NKAIN3: variants seen among roughly 807,000 people sequenced by gnomAD.
The protein encoded by NKAIN3 is sodium/potassium transporting ATPase interacting 3, also known as sodium/potassium-transporting ATPase subunit beta-1-interacting protein 3.
A neutral mutation model predicts 30.2 loss-of-function variants in NKAIN3; 25 were observed. The observed-to-expected ratio is 0.83, with a 90% CI of 0.60 to 1.16. The LOEUF is 1.16. Among genes scored for constraint, NKAIN3 ranks in the 50% most tolerant of loss-of-function variants. NKAIN3 has a pLI of 0.00. For synonymous variants in NKAIN3, 91 were observed against 89.6 expected (o/e 1.02, Z -0.09); for missense variants, 225 against 254.1 (o/e 0.89, Z 0.78).
intron 1 of NKAIN3, among the ~76,000 whole-genome samples, chr8:62,565,543 T>A (rs751286539): frequency 6.6e-6 from 1 of 152,170 alleles, no homozygotes; most frequent in Non-Finnish European, 1.5e-5. Flanking sequence ...TCAGTATAAA[T>A]GGCAGAGCCA....
chr8:62,664,350 A>G (rs1278846412), intron 3 of NKAIN3, among the ~76,000 whole-genome samples: 2 of 152,072 alleles, frequency 1.3e-5, no homozygotes, highest in Non-Finnish European at 2.9e-5. Context: ...TAGACCCACC[A>G]TCTGAATTTC....
At chr8:62,911,161 AAAAGAGGGAGGC>A (rs1192267027) in intron 4 of NKAIN3, among the ~76,000 whole-genome samples, 1 of 152,172 alleles carries the variant, frequency 6.6e-6, no homozygotes, top group Non-Finnish European at 1.5e-5. Flanking sequence ...TTTTTTCCAA[AAAAGAGGGAGGC>A]AATGTATTAG....
At chr8:62,645,594 A>G (rs1160530166) in intron 3 of NKAIN3, among the ~76,000 whole-genome samples, 1 of 152,118 alleles carries the variant, frequency 6.6e-6, no homozygotes, top group Non-Finnish European at 1.5e-5. Flanking sequence ...ACAACAGTGG[A>G]TTGAAGATTT....
At position 62,645,141 on chromosome 8, in the gene NKAIN3, G is replaced by GT. The variant is rs200156165; in HGVS notation, c.273+55348dup. 3.6e-3 allele frequency among the ~76,000 whole-genome samples: 552 copies of GT among 152,238 alleles called. 4 individuals carry two copies. The highest frequency in any genetic ancestry group is 0.027 in the Admixed American group (414 of 15,280). On this transcript the variant is annotated intron_variant, in intron 3 of 6. Transcript: ENST00000623646. ...AGCAGGGGAGGTGGAGCCAAAGAGTGTAAGAATAGAGCTTGGGTGGCTGTT... is the reference window on the plus strand; with the variant it reads ...AGCAGGGGAGGTGGAGCCAAAGAGTGTTAAGAATAGAGCTTGGGTGGCTGTT...
intron 6 of NKAIN3, among the ~76,000 whole-genome samples, chr8:62,954,306 A>G (rs950741841): frequency 6.6e-6 from 1 of 152,198 alleles, no homozygotes; most frequent in African/African-American, 2.4e-5. Context: ...CAAAGTAAAA[A>G]GGGGAGAAAG....
chr8:62,712,368 G>A (rs960954315), intron 3 of NKAIN3, among the ~76,000 whole-genome samples: 1 of 152,226 alleles, frequency 6.6e-6, no homozygotes, highest in Middle Eastern at 3.4e-3. Flanking sequence ...GGGGGTTGGG[G>A]TAGGTGTGTC....
chr8:62,991,322 T>G (rs566738561), intron 5 of NKAIN3, among the ~76,000 whole-genome samples: 2 of 152,342 alleles, frequency 1.3e-5, no homozygotes, highest in Non-Finnish European at 2.9e-5. Flanking sequence ...TACCACCTCT[T>G]TGGGTATAAA....
At chr8:62,960,140 T>C (rs538051793) in intron 6 of NKAIN3, among the ~76,000 whole-genome samples, 1 of 152,366 alleles carries the variant, frequency 6.6e-6, no homozygotes, top group South Asian at 2.1e-4. Flanking sequence ...TTCAGACTTA[T>C]CACCGTAGTA....
intron 1 of NKAIN3, among the ~76,000 whole-genome samples, chr8:62,450,912 G>C (rs745592632): frequency 1.3e-5 from 2 of 152,160 alleles, no homozygotes; most frequent in Admixed American, 6.5e-5. Context: ...GGTAAGACAT[G>C]GCTAATCCAC....
chr8:62,266,022 T>G (rs1023157213), intron 1 of NKAIN3, among the ~76,000 whole-genome samples: 2 of 152,174 alleles, frequency 1.3e-5, no homozygotes, highest in African/African-American at 4.8e-5. Context: ...AAAGGGAATT[T>G]GGTCTCTTCA....
intron 3 of NKAIN3, among the ~76,000 whole-genome samples, chr8:62,654,206 AT>A (rs1392695657): frequency 2.0e-5 from 3 of 152,138 alleles, no homozygotes; most frequent in African/African-American, 4.8e-5. Flanking sequence ...AAAATTAAAA[AT>A]ATTACAGCAG....
chr8:62,293,455 A>G (rs971827480), intron 1 of NKAIN3, among the ~76,000 whole-genome samples: 6 of 152,202 alleles, frequency 3.9e-5, no homozygotes, highest in Admixed American at 6.5e-5. Context: ...TCCTTCTAAC[A>G]GTCAGGACCG....
Position 62,308,250 on chromosome 8 carries a change from A to G in NKAIN3, c.54+59123A>G, listed in dbSNP as rs11995982. ...CTCAAAGGCTTGTTCATATGACTGC[A>G]TCCTCTGCCACTCCTCCCTCCTCAC... On this transcript the variant is annotated intron_variant, in intron 1 of 6. Transcript: ENST00000623646. Among the ~76,000 whole-genome samples, 1,462 of 150,498 alleles carry G rather than the reference A, an allele frequency of 9.7e-3. 143 individuals are homozygous for G. The highest frequency in any genetic ancestry group is 0.034 in the African/African-American group (1,375 of 39,916).
rs573574717 is a variant in NKAIN3 at position 62,812,621 on chromosome 8, T to C, written c.471+65492T>C. ...TTCTAGGAGAGTTTTTTTTTAATTC[T>C]TAGAATTTTTTCATATAGACAATTA... On this transcript the variant is annotated intron_variant, in intron 4 of 6. Transcript: ENST00000623646. Among the ~76,000 whole-genome samples, 3 of 152,002 alleles carry C rather than the reference T, an allele frequency of 2.0e-5. No individual in the cohort carries two copies. In the East Asian group the frequency reaches 5.8e-4, roughly 29 times the overall value.
At chr8:62,504,155 T>C (rs1379215627) in intron 1 of NKAIN3, among the ~76,000 whole-genome samples, 1 of 152,106 alleles carries the variant, frequency 6.6e-6, no homozygotes, top group East Asian at 1.9e-4. Flanking sequence ...GGGATCTGGG[T>C]TGCATGCTCC....
At chr8:62,888,859 G>A (rs192398351) in intron 4 of NKAIN3, among the ~76,000 whole-genome samples, 1 of 152,200 alleles carries the variant, frequency 6.6e-6, no homozygotes, top group East Asian at 1.9e-4. Context: ...AGAGCAATGA[G>A]TTATGTATTT....
At chr8:62,850,236 G>A (rs1012067975) in intron 4 of NKAIN3, among the ~76,000 whole-genome samples, 3 of 152,036 alleles carry the variant, frequency 2.0e-5, no homozygotes, top group African/African-American at 7.2e-5. Context: ...TGTGTCTTTT[G>A]GCTGCATAAA....
Position 62,965,449 on chromosome 8 carries a change from C to T in NKAIN3, c.*42C>T, listed in dbSNP as rs1272259988. On this transcript the variant is annotated 3_prime_UTR_variant, in exon 7 of 7. Transcript: ENST00000623646. The stretch of plus-strand genomic sequence containing the variant: ...GACTGCGCGCCTCGGTGGATCCGAC[C>T]CGCCTGACATTCCTTCCAGAGGCTA... 10 of 985,444 alleles carry T rather than the reference C, an allele frequency of 1.0e-5. No homozygotes were observed. Among genetic ancestry groups the T allele is most frequent in the Non-Finnish European group, 1.2e-5 (10 of 829,886 alleles). The allele number at this position is 985,444 out of a possible 1,614,324, so 61.0% of individuals were successfully genotyped here.
rs1804987387 is a variant in NKAIN3 at position 62,431,244 on chromosome 8, T to C, written c.55-148295T>C. Among the ~76,000 whole-genome samples, 3 of 151,898 alleles carry C rather than the reference T, an allele frequency of 2.0e-5. 1 individual carries two copies. The South Asian group carries it at 6.2e-4, about 31-fold the overall frequency. On this transcript the variant is annotated intron_variant, in intron 1 of 6. Transcript: ENST00000623646. ...TCAGGCTGCATTCTTTTAAAGTAGATGTTCTAAAATTATAAAAACTAAATT... is the reference window on the plus strand; with the variant it reads ...TCAGGCTGCATTCTTTTAAAGTAGACGTTCTAAAATTATAAAAACTAAATT...
Sources: gnomAD v4.1 joint callset for allele counts (sites outside exome capture counted in the v4.1 genomes callset) on GRCh38, gnomAD v4.1.1 for gene constraint, MANE v1.5 for transcripts, NCBI Gene and HGNC (gene_info 2026-07-23, HGNC 2026-07-21) for gene names.